MGST1: variants seen among roughly 807,000 people sequenced by gnomAD.
The protein encoded by MGST1 is microsomal glutathione S-transferase 1.
A neutral mutation model predicts 8.9 loss-of-function variants in MGST1; 5 were observed. The ratio of observed to expected loss-of-function variants is 0.56; its 90% CI spans 0.29 to 1.19. The LOEUF (loss-of-function observed/expected upper bound fraction) is 1.19, where lower values mean the gene tolerates loss of function less well. MGST1 is among the 50% of genes most tolerant of loss of function. The probability of loss-of-function intolerance (pLI) is 0.08; values close to 1 mark genes in which losing one functional copy is unlikely to be tolerated. For synonymous variants in MGST1, 54 were observed against 67.8 expected, an observed-to-expected ratio of 0.80 and a Z score of 1.00; for missense variants, 182 against 187.4, an observed-to-expected ratio of 0.97 and a Z score of 0.17.
chr12:16,438,510 A>G (rs1286440998), exon 2 of MGST1: 1 of 151,928 alleles, frequency 6.6e-6, no homozygotes, highest in African/African-American at 2.4e-5. Context: ...AGATTACATT[A>G]TAACTCATCT....
At chr12:16,593,227 G>T (rs1159845284), downstream of MGST1, among the ~76,000 whole-genome samples, 1 of 151,824 alleles carries the variant, frequency 6.6e-6, no homozygotes, top group East Asian at 1.9e-4. The surrounding 1 kb of genome is among the most constrained non-coding windows in gnomAD (Gnocchi z 4.2). Context: ...CTTAAATATT[G>T]CTTTGGTGTG....
intron 4 of MGST1, among the ~76,000 whole-genome samples, chr12:16,478,004 A>T (rs948484229): frequency 6.6e-5 from 10 of 152,170 alleles, no homozygotes; most frequent in Admixed American, 2.0e-4. Flanking sequence ...TATTTTTGAA[A>T]ATCAGGCTTT....
rs953152964 is a variant in MGST1, at chr12:16,361,517, C to T, written c.222-2278C>T. 2.0e-5 allele frequency among the ~76,000 whole-genome samples: 3 copies of T among 152,130 alleles called. No homozygotes were observed. The highest frequency in any genetic ancestry group is 7.2e-5 in the African/African-American group (3 of 41,442). ...GACTCTTAGGAAGACTGATGTCCAC[C>T]TGGTGATAGATTTTGGCAGCTGTCC... On this transcript the variant is annotated intron_variant, in intron 3 of 3. Coordinates refer to ENST00000396210, the MANE Select transcript of MGST1 (RefSeq NM_020300.5). This position sits in a 1 kb window ranked among gnomAD's most constrained non-coding sequence, Gnocchi z 4.2.
intron 4 of MGST1, among the ~76,000 whole-genome samples, chr12:16,538,294 T>C (rs1454733750): frequency 6.6e-6 from 1 of 152,132 alleles, no homozygotes; most frequent in Non-Finnish European, 1.5e-5. Context: ...ATTGTTCAAA[T>C]CACTATCATC....
chr12:16,506,283 A>C (rs1941537435), intron 4 of MGST1, among the ~76,000 whole-genome samples: 1 of 152,164 alleles, frequency 6.6e-6, no homozygotes, highest in Admixed American at 6.6e-5. Flanking sequence ...CAACACACAC[A>C]GTGGTTTGTA....
chr12:16,382,908 A>C (rs534595925), exon 1 of MGST1: 1 of 153,266 alleles, frequency 6.5e-6, no homozygotes, highest in Non-Finnish European at 1.5e-5. Context: ...CTGTGCTAGC[A>C]ATGAGCGAGA....
At chr12:16,348,190 G>T (rs776649823) in intron 1 of MGST1, among the ~76,000 whole-genome samples, 1 of 152,200 alleles carries the variant, frequency 6.6e-6, no homozygotes, top group Non-Finnish European at 1.5e-5. Context: ...AGTTCACTTT[G>T]ATAGGAGAAA....
At chr12:16,395,792 T>TACACAC (rs1371254759) in intron 1 of MGST1, among the ~76,000 whole-genome samples, 24 of 124,626 alleles carry the variant, frequency 1.9e-4, no homozygotes, top group East Asian at 1.1e-3. Flanking sequence ...TATATATATA[T>TACACAC]ATATATATAT....
exon 2 of MGST1, chr12:16,438,204 A>G (rs1490332923): frequency 6.6e-6 from 1 of 151,958 alleles, no homozygotes; most frequent in Non-Finnish European, 1.5e-5. Flanking sequence ...TAGTGGCTGG[A>G]CATGTGCAAC....
At chr12:16,419,788 C>T (rs1429205065) in intron 1 of MGST1, among the ~76,000 whole-genome samples, 2 of 152,068 alleles carry the variant, frequency 1.3e-5, no homozygotes, top group African/African-American at 4.8e-5. Flanking sequence ...CTTTGCCTTT[C>T]TGCTTCAGTG....
At chr12:16,399,103 T>C (rs1940630378) in intron 1 of MGST1, among the ~76,000 whole-genome samples, 1 of 152,160 alleles carries the variant, frequency 6.6e-6, no homozygotes, top group South Asian at 2.1e-4. Flanking sequence ...CGTGTCCTGG[T>C]GGGCCTGGAA....
intron 4 of MGST1, among the ~76,000 whole-genome samples, chr12:16,475,458 A>G (rs761957503): frequency 1.1e-4 from 16 of 152,212 alleles, no homozygotes; most frequent in Admixed American, 2.0e-4. Flanking sequence ...AATGATTCCC[A>G]TTGCTTTTGA....
At chr12:16,571,047 A>T (rs899899072) in intron 4 of MGST1, among the ~76,000 whole-genome samples, 18 of 152,100 alleles carry the variant, frequency 1.2e-4, no homozygotes, top group Admixed American at 2.0e-4. Flanking sequence ...AATAAATTTT[A>T]AAAAAATCTA....
chr12:16,450,351 C>T (rs577491623), intron 4 of MGST1, among the ~76,000 whole-genome samples: 2 of 152,010 alleles, frequency 1.3e-5, no homozygotes, highest in African/African-American at 4.8e-5. Flanking sequence ...TGGTTCATTT[C>T]TCCTTCAAGA....
chr12:16,402,174 T>C, intron 1 of MGST1: 1 of 1,570,844 alleles, frequency 6.4e-7, no homozygotes, highest in South Asian at 1.1e-5. Flanking sequence ...TTTCAAAAAC[T>C]CCACTTTTTT....
chr12:16,460,597 G>GT (rs368666166), intron 4 of MGST1, among the ~76,000 whole-genome samples: 10,169 of 131,876 alleles, frequency 0.077, 662 homozygotes, highest in African/African-American at 0.19. Context: ...ATTCAGGTCA[G>GT]TTTTTTTTTT....
At chr12:16,465,755 C>A (rs12306704) in intron 4 of MGST1, among the ~76,000 whole-genome samples, 84,427 of 151,900 alleles carry the variant, frequency 0.56, 24,042 homozygotes, top group Non-Finnish European at 0.64. Context: ...TTTGAATCAT[C>A]CCCAAATTAT....
chr12:16,493,761 T>C (rs1941453779), intron 4 of MGST1, among the ~76,000 whole-genome samples: 1 of 152,150 alleles, frequency 6.6e-6, no homozygotes, highest in Admixed American at 6.6e-5. Context: ...CACTGGGATA[T>C]AAACATTGAA....
At chr12:16,540,205 A>G (rs954104218) in intron 4 of MGST1, among the ~76,000 whole-genome samples, 2 of 152,144 alleles carry the variant, frequency 1.3e-5, no homozygotes, top group Non-Finnish European at 2.9e-5. Context: ...TGGAGCCTTG[A>G]TATCTCCTTC....
Sources: allele counts gnomAD v4.1 joint callset (sites outside exome capture counted in the v4.1 genomes callset), GRCh38; gene constraint gnomAD v4.1.1; non-coding constraint Gnocchi (gnomAD v3.1); transcripts MANE v1.5; gene names NCBI Gene and HGNC (gene_info 2026-07-23, HGNC 2026-07-21).